Variants in GSK3A observed in about 807,000 individuals in gnomAD.
GSK3A encodes glycogen synthase kinase-3 alpha.
Under a neutral mutation model 56.6 loss-of-function variants are expected in GSK3A, and 14 were observed. The observed-to-expected ratio is 0.25, with a 90% confidence interval of 0.16 to 0.39. The LOEUF is 0.39. GSK3A is among the 10% of genes least tolerant of loss of function. GSK3A has a pLI of 1.00. For synonymous variants in GSK3A, 301 were observed against 285.0 expected (o/e 1.06, Z -0.56); for missense variants, 450 against 656.0 (o/e 0.69, Z 3.43).
At chr19:42,231,737 C>T (rs1379292700) in intron 10 of GSK3A, among the ~76,000 whole-genome samples, 1 of 149,954 alleles carries the variant, frequency 6.7e-6, no homozygotes, top group Admixed American at 6.6e-5. Flanking sequence ...CGAGCCACTG[C>T]ACTGCAGCCT....
rs2036232056 is a variant in GSK3A at position 42,232,696 on chromosome 19, G to A, written c.1099-14C>T. 1 of 1,552,524 alleles carries A rather than the reference G, an allele frequency of 6.4e-7. No homozygotes were observed. The highest frequency in any genetic ancestry group is 8.7e-7 in the Non-Finnish European group (1 of 1,144,896). On this transcript the variant is annotated splice_polypyrimidine_tract_variant and intron_variant, in intron 8 of 10. Transcript: ENST00000222330. ...AGATTTGAACACCTGAGGGATGGGT[G>A]CAGGGCTCATGAGGGTGAGATGCCC... is the stretch of plus-strand genomic sequence containing the variant.
Position 42,233,351 on chromosome 19 carries a change from G to T in GSK3A, c.937C>A (p.Leu313Ile). The change falls in exon 7 of 11, where the codon CTC becomes ATC. Residue 313 changes from leucine to isoleucine, a missense_variant. By Grantham distance (5) the Leu-to-Ile change is conservative. Transcript: ENST00000222330. ...GGGAAGATGGGCTGGCCCAAGAGGA[G>T]CTCTGCCAGTACACAGCCAGCTGAC... ...VWSAGCVLAE[L>I]LLGQPIFPGD... 6.3e-7 allele frequency: 1 copy of T among 1,586,982 alleles called. No homozygotes were observed. Among genetic ancestry groups the T allele is most frequent in the Non-Finnish European group, 8.6e-7 (1 of 1,165,164 alleles).
rs373773536 is a variant in GSK3A at position 42,234,586 on chromosome 19, G to A, written c.759C>T (p.Asp253=). 4 of 1,614,026 alleles carry A rather than the reference G, an allele frequency of 2.5e-6. No individual in the cohort carries two copies. The highest frequency in any genetic ancestry group is 3.4e-6 in the Non-Finnish European group (4 of 1,180,012). Residue 253 remains aspartate (D), a synonymous_variant, in exon 5 of 11, where the codon GAC becomes GAT. Coordinates refer to ENST00000222330, the MANE Select transcript of GSK3A (RefSeq NM_019884.3). This position sits in a 1 kb window ranked among gnomAD's most constrained non-coding sequence, Gnocchi z 5.7. ...RDIKPQNLLV[D]PDTAVLKLCD... is the part of the protein sequence containing the mutation. ...AGAGCTTGAGGACAGCAGTGTCAGG[G>A]TCCACCAGCAGGTTCTGGGGCTTGA...
intron 1 of GSK3A, chr19:42,240,371 A>G (rs2036284288): frequency 3.4e-6 from 2 of 589,568 alleles, no homozygotes; most frequent in Non-Finnish European, 3.0e-6. Flanking sequence ...GGATATTGAT[A>G]CCTAAATCTC....
chr19:42,240,541 C>T (rs1034459388), intron 1 of GSK3A: 3 of 352,628 alleles, frequency 8.5e-6, no homozygotes, highest in Non-Finnish European at 1.6e-5. Flanking sequence ...GAGCCTCTTC[C>T]ACTTCAGGGA....
intron 4 of GSK3A, among the ~76,000 whole-genome samples, chr19:42,235,094 TC>T (rs529075419): frequency 1.9e-4 from 29 of 152,036 alleles, no homozygotes; most frequent in African/African-American, 6.5e-4. Flanking sequence ...ACCACTGCAC[TC>T]CAGCGTGGGT....
chr19:42,230,729 T>C lies in GSK3A; in HGVS notation c.*65A>G, dbSNP rs2036217799. 3 of 1,233,366 alleles carry C rather than the reference T, an allele frequency of 2.4e-6. No homozygotes were observed. Among genetic ancestry groups the C allele is most frequent in the African/African-American group, 3.0e-5 (2 of 66,876 alleles). The allele number at this position is 1,233,366 out of a possible 1,614,324, so 76.4% of individuals were successfully genotyped here. ...GCCAGGGCAGGAGCTTGATGGGCTA[T>C]GGCCCCCCTTCCCAGCCCCTCTTGG... On this transcript the variant is annotated 3_prime_UTR_variant, in exon 11 of 11. Coordinates refer to ENST00000222330, the MANE Select transcript of GSK3A (RefSeq NM_019884.3).
Position 42,242,483 on chromosome 19 carries a change from C to G in GSK3A, c.-18G>C. ...CCGCTCATGGCGCCGAGCACAGGCC[C>G]AGGCTGCGGGGCTCGGGCTGCCCGG... On this transcript the variant is annotated 5_prime_UTR_variant, in exon 1 of 11. Transcript: ENST00000222330. The G allele has an allele frequency of 8.7e-7, 1 of 1,153,946 alleles. No homozygotes were observed. Among genetic ancestry groups the G allele is most frequent in the Non-Finnish European group, 1.1e-6 (1 of 941,516 alleles). 71.5% of individuals were successfully genotyped at this position (1,153,946 alleles called of 1,614,324 possible). A position where few individuals can be genotyped will look rare whatever the true frequency, so the allele number is the denominator to read the frequency against.
Position 42,242,340 on chromosome 19 carries a change from G to A in GSK3A, c.126C>T (p.Gly42=), listed in dbSNP as rs1043884068. ...CCTTTCCGCCGCCGGTGCCGCCTGGGCCGGAGGCCGAGCCTCCGGGGCCGC... is the reference window on the plus strand; with the variant it reads ...CCTTTCCGCCGCCGGTGCCGCCTGGACCGGAGGCCGAGCCTCCGGGGCCGC... ...GGGGPGGSAS[G]PGGTGGGKAS... is the part of the protein sequence containing the mutation. Residue 42 remains glycine, a synonymous_variant, in exon 1 of 11, where the codon GGC becomes GGT. Coordinates refer to ENST00000222330, the MANE Select transcript of GSK3A (RefSeq NM_019884.3). 6 of 1,424,134 alleles carry A rather than the reference G, an allele frequency of 4.2e-6. No individual in the cohort carries two copies. The African/African-American group carries it at 6.0e-5, about 14-fold the overall frequency. 88.2% of individuals were successfully genotyped at this position (1,424,134 alleles called of 1,614,324 possible).
chr19:42,232,442 T>C, intron 9 of GSK3A, 54 bp downstream of exon 9: 1 of 1,538,182 alleles, frequency 6.5e-7, no homozygotes, highest in South Asian at 1.2e-5. Flanking sequence ...CCTCACAATC[T>C]TTGGCTGCCC....
intron 8 of GSK3A, 64 bp from the exon 9 acceptor site, chr19:42,232,746 C>T (rs761812475): frequency 3.7e-5 from 50 of 1,336,746 alleles, no homozygotes; most frequent in Non-Finnish European, 5.0e-5. Flanking sequence ...CTCCTGTTAT[C>T]TCACTGCCAC....
Position 42,236,598 on chromosome 19 carries a change from T to C in GSK3A, c.666+8A>G, listed in dbSNP as rs1380441835. On this transcript the variant is annotated splice_region_variant and intron_variant, in intron 4 of 10. Coordinates refer to ENST00000222330, the MANE Select transcript of GSK3A (RefSeq NM_019884.3). Reference sequence around the variant, plus strand: ...GCCTGGGTCCCAGCAGCCCACCTGCTGGCCTACCTTGACATAGAGGATAGG... The same window carrying C: ...GCCTGGGTCCCAGCAGCCCACCTGCCGGCCTACCTTGACATAGAGGATAGG... The C allele has an allele frequency of 3.4e-5, 54 of 1,572,418 alleles. No individual in the cohort carries two copies. Among genetic ancestry groups the C allele is most frequent in the African/African-American group, 4.0e-5 (3 of 74,088 alleles).
At position 42,234,481 on chromosome 19, in the gene GSK3A, G is replaced by T; in HGVS notation, c.798-22C>A. 1 of 1,613,596 alleles carries T rather than the reference G, an allele frequency of 6.2e-7. No homozygotes were observed. Among genetic ancestry groups the T allele is most frequent in the Non-Finnish European group, 8.5e-7 (1 of 1,179,526 alleles). ...TGCACTGTGGGAAGAGATGGGCAGG[G>T]GTACACGTGAGGCAAGGGTTGGGGT... On this transcript the variant is annotated intron_variant, in intron 5 of 10. Transcript: ENST00000222330. The surrounding 1 kb of genome is among the most constrained non-coding windows in gnomAD (Gnocchi z 5.7).
At chr19:42,232,962 C>G in intron 8 of GSK3A, 148 bp downstream of exon 8, 1 of 661,248 alleles carries the variant, frequency 1.5e-6, no homozygotes, top group East Asian at 2.7e-5. Context: ...ATGCCATAAA[C>G]TTTGAAAGCG....
rs1470761083 is a variant in GSK3A at position 42,230,790 on chromosome 19, G to A, written c.*4C>T. 6.5e-7 allele frequency: 1 copy of A among 1,550,290 alleles called. No homozygotes were observed. The highest frequency in any genetic ancestry group is 8.7e-7 in the Non-Finnish European group (1 of 1,143,394). ...TGGAAGTGGAAGGGTGCTTGGTGGG[G>A]CCCTCAGGAGGAGTTAGTGAGGGTA... On this transcript the variant is annotated 3_prime_UTR_variant, in exon 11 of 11. Coordinates refer to ENST00000222330, the MANE Select transcript of GSK3A (RefSeq NM_019884.3).
chr19:42,239,380 A>G (rs2036277754), intron 2 of GSK3A, among the ~76,000 whole-genome samples: 1 of 151,932 alleles, frequency 6.6e-6, no homozygotes, highest in South Asian at 2.1e-4. Context: ...CTTAAACACC[A>G]ATTATTCCTC....
intron 1 of GSK3A, chr19:42,240,869 C>T (rs2036287412): frequency 6.6e-6 from 1 of 152,224 alleles, no homozygotes; most frequent in East Asian, 1.9e-4. Context: ...TATCAAGGAG[C>T]TATTCCAGCC....
At chr19:42,236,015 A>G (rs1472421872) in intron 4 of GSK3A, among the ~76,000 whole-genome samples, 3 of 152,176 alleles carry the variant, frequency 2.0e-5, no homozygotes, top group African/African-American at 4.8e-5. Context: ...ACCTCCTTCC[A>G]ATGCAGTAGG....
chr19:42,238,257 G>C (rs934582873), intron 2 of GSK3A, among the ~76,000 whole-genome samples: 1 of 151,820 alleles, frequency 6.6e-6, no homozygotes, highest in Non-Finnish European at 1.5e-5. Context: ...AGGTGGATGA[G>C]GTACAAGAAT....
Sources: allele counts gnomAD v4.1 joint callset (sites outside exome capture counted in the v4.1 genomes callset), GRCh38; gene constraint gnomAD v4.1.1; non-coding constraint Gnocchi (gnomAD v3.1); transcripts MANE v1.5; gene names NCBI Gene and HGNC (gene_info 2026-07-23, HGNC 2026-07-21).